CYP7B1: variants seen among roughly 807,000 people sequenced by gnomAD.
CYP7B1 encodes the protein cytochrome P450 7B1.
A neutral mutation model predicts 42.7 loss-of-function variants in CYP7B1; 29 were observed. The observed-to-expected ratio is 0.68, with a 90% CI of 0.51 to 0.93. The LOEUF is 0.93. Among genes scored for constraint, CYP7B1 ranks in the 40% least tolerant of loss-of-function variants. The pLI is 0.00. For synonymous variants in CYP7B1, 235 were observed against 218.2 expected (o/e 1.08, Z -0.68); for missense variants, 655 against 600.5 (o/e 1.09, Z -0.95).
At chr8:64,736,047 C>T (rs1057302790) in intron 1 of CYP7B1, among the ~76,000 whole-genome samples, 2 of 152,104 alleles carry the variant, frequency 1.3e-5, no homozygotes, top group Non-Finnish European at 2.9e-5. Context: ...CTTCTGACAA[C>T]ATCAAACAAT....
chr8:64,737,307 C>T (rs1311065183), intron 1 of CYP7B1, among the ~76,000 whole-genome samples: 2 of 152,068 alleles, frequency 1.3e-5, no homozygotes, highest in Admixed American at 6.5e-5. Context: ...AAAAAATGTA[C>T]ATAATTCTTG....
rs531185376 is a variant in CYP7B1 at position 64,630,876 on chromosome 8, G to A, written c.123-6337C>T. Among the ~76,000 whole-genome samples, 7 of 152,304 alleles carry A rather than the reference G, an allele frequency of 4.6e-5. 1 individual carries two copies. The South Asian group carries it at 8.3e-4, about 18-fold the overall frequency. On this transcript the variant is annotated intron_variant, in intron 1 of 5. Coordinates refer to ENST00000310193, the MANE Select transcript of CYP7B1 (RefSeq NM_004820.5). ...TGAACAAGAATGTGGGGGTTGGGACGTTAAAGAGAAAGAGAAAGAAGAAAA... is the reference window on the plus strand; with the variant it reads ...TGAACAAGAATGTGGGGGTTGGGACATTAAAGAGAAAGAGAAAGAAGAAAA...
At chr8:64,691,051 C>T (rs1290408287) in intron 1 of CYP7B1, among the ~76,000 whole-genome samples, 3 of 152,078 alleles carry the variant, frequency 2.0e-5, no homozygotes, top group African/African-American at 7.2e-5. Flanking sequence ...TCCCAGGGCT[C>T]GGGGAGGAGG....
chr8:64,658,432 C>T (rs957951264), intron 1 of CYP7B1, among the ~76,000 whole-genome samples: 2 of 152,052 alleles, frequency 1.3e-5, no homozygotes, highest in Admixed American at 6.6e-5. Context: ...GTACTTTGAA[C>T]AGTGCTTGCC....
chr8:64,649,697 T>A (rs1445305947), intron 1 of CYP7B1, among the ~76,000 whole-genome samples: 1 of 152,224 alleles, frequency 6.6e-6, no homozygotes, highest in Non-Finnish European at 1.5e-5. Context: ...GGATTTCAAT[T>A]TCTCCACATC....
chr8:64,798,709 G>C lies in CYP7B1; in HGVS notation c.-122C>G. The stretch of plus-strand genomic sequence containing the variant: ...CCCCTAGTCCAGGGCCGGAGAGGCT[G>C]GCCTGCCCGCAGCGCAGACAGGAAT... On this transcript the variant is annotated 5_prime_UTR_variant, in exon 1 of 6. Coordinates refer to ENST00000310193, the MANE Select transcript of CYP7B1 (RefSeq NM_004820.5). 8.9e-7 allele frequency: 1 copy of C among 1,125,122 alleles called. No individual in the cohort carries two copies. Among genetic ancestry groups the C allele is most frequent in the Non-Finnish European group, 1.2e-6 (1 of 849,568 alleles). 69.7% of individuals were successfully genotyped at this position (1,125,122 alleles called of 1,614,324 possible). A position where few individuals can be genotyped will look rare whatever the true frequency, so the allele number is the denominator to read the frequency against.
intron 1 of CYP7B1, among the ~76,000 whole-genome samples, chr8:64,684,214 T>C (rs777699463): frequency 3.3e-5 from 5 of 152,200 alleles, no homozygotes; most frequent in Admixed American, 6.5e-5. Context: ...CCAAATACTA[T>C]GTATGAGTAA....
chr8:64,742,783 T>C (rs565699518), intron 1 of CYP7B1, among the ~76,000 whole-genome samples: 4 of 152,260 alleles, frequency 2.6e-5, no homozygotes, highest in Non-Finnish European at 4.4e-5. Flanking sequence ...ACCAGTCAGA[T>C]TGGTCTTGGA....
At chr8:64,699,270 A>T (rs1489914728) in intron 1 of CYP7B1, among the ~76,000 whole-genome samples, 1 of 152,172 alleles carries the variant, frequency 6.6e-6, no homozygotes, top group Non-Finnish European at 1.5e-5. Flanking sequence ...TAGAAAATTC[A>T]TGACTCTAAA....
chr8:64,704,632 C>T (rs1027502981), intron 1 of CYP7B1, among the ~76,000 whole-genome samples: 1 of 151,984 alleles, frequency 6.6e-6, no homozygotes, highest in Admixed American at 6.6e-5. Context: ...AAGATCAAGA[C>T]TGCTCTAACA....
At chr8:64,749,038 A>G (rs1254877218) in intron 1 of CYP7B1, among the ~76,000 whole-genome samples, 2 of 152,076 alleles carry the variant, frequency 1.3e-5, no homozygotes, top group Admixed American at 1.3e-4. Context: ...AGCAGGGGAG[A>G]GACATCATCA....
intron 2 of CYP7B1, among the ~76,000 whole-genome samples, chr8:64,621,647 C>T (rs541942994): frequency 3.3e-5 from 5 of 152,102 alleles, no homozygotes; most frequent in African/African-American, 1.2e-4. Context: ...CTTGGGGAGC[C>T]TCATGAGGAC....
intron 1 of CYP7B1, among the ~76,000 whole-genome samples, chr8:64,681,310 C>T (rs1367620233): frequency 6.6e-6 from 1 of 152,088 alleles, no homozygotes; most frequent in African/African-American, 2.4e-5. Flanking sequence ...AGTGTGTCTT[C>T]CACCAACTAT....
chr8:64,617,905 T>C (rs1805471680), intron 2 of CYP7B1, among the ~76,000 whole-genome samples: 1 of 151,304 alleles, frequency 6.6e-6, no homozygotes, highest in Admixed American at 6.6e-5. Context: ...ACATGTGCTA[T>C]GATTTATTTT....
chr8:64,621,637 C>T (rs912933574), intron 2 of CYP7B1, among the ~76,000 whole-genome samples: 1 of 151,948 alleles, frequency 6.6e-6, no homozygotes, highest in Non-Finnish European at 1.5e-5. Flanking sequence ...GAGACCTGAT[C>T]TTGGGGAGCC....
At chr8:64,695,962 T>C (rs1806822088) in intron 1 of CYP7B1, among the ~76,000 whole-genome samples, 2 of 152,252 alleles carry the variant, frequency 1.3e-5, no homozygotes, top group Admixed American at 6.5e-5. Context: ...GATTCTATTC[T>C]TAAATTATCT....
chr8:64,619,691 C>A (rs1433948389), intron 2 of CYP7B1, among the ~76,000 whole-genome samples: 1 of 152,108 alleles, frequency 6.6e-6, no homozygotes, highest in Non-Finnish European at 1.5e-5. Context: ...ACCTCAGTAG[C>A]CTTTCCACTT....
At chr8:64,711,522 C>A (rs1310143836) in intron 1 of CYP7B1, among the ~76,000 whole-genome samples, 2 of 152,082 alleles carry the variant, frequency 1.3e-5, no homozygotes, top group Non-Finnish European at 2.9e-5. Context: ...TGAGTCCCTG[C>A]CTTAAAGAGG....
chr8:64,758,337 C>T (rs745718838), intron 1 of CYP7B1, among the ~76,000 whole-genome samples: 1 of 152,172 alleles, frequency 6.6e-6, no homozygotes, highest in Non-Finnish European at 1.5e-5. Flanking sequence ...AGACAATCTC[C>T]ATCAACTGAC....
Sources: allele counts gnomAD v4.1 joint callset (sites outside exome capture counted in the v4.1 genomes callset), GRCh38; gene constraint gnomAD v4.1.1; transcripts MANE v1.5; gene names NCBI Gene and HGNC (gene_info 2026-07-23, HGNC 2026-07-21).